PCSK5: variants seen among roughly 807,000 people sequenced by gnomAD.
PCSK5 encodes the protein proprotein convertase subtilisin/kexin type 5, also known as prohormone convertase 5.
PCSK5 carries 129 observed loss-of-function variants against 233.2 expected under a neutral mutation model. The ratio of observed to expected loss-of-function variants is 0.55; its 90% confidence interval spans 0.48 to 0.64. PCSK5 has a LOEUF of 0.64. PCSK5 is among the 30% of genes least tolerant of loss of function. PCSK5 has a pLI of 0.00. For missense variants in PCSK5, 2,076 were observed against 2,430.1 expected (o/e 0.85, Z 3.06); for synonymous variants, 825 against 879.2 (o/e 0.94, Z 1.09).
rs538037995 is a variant in PCSK5 at position 75,907,727 on chromosome 9, C to T, written c.192+16354C>T. On this transcript the variant is annotated intron_variant, in intron 1 of 37. Coordinates refer to ENST00000674117, the MANE Select transcript of PCSK5 (RefSeq NM_001372043.1). Reference sequence around the variant, plus strand: ...ATCTCCTTGGGGTGGCAGTGAAAGTCTTTTGTCTATTGGAGCAGTGGGAAG... The same window carrying T: ...ATCTCCTTGGGGTGGCAGTGAAAGTTTTTTGTCTATTGGAGCAGTGGGAAG... Among the ~76,000 whole-genome samples the T allele has an allele frequency of 2.6e-5, 4 of 152,234 alleles. No individual in the cohort carries two copies. In the East Asian group the frequency reaches 7.7e-4, roughly 29 times the overall value.
At chr9:76,292,520 C>G (rs1171138460) in intron 25 of PCSK5, among the ~76,000 whole-genome samples, 1 of 152,172 alleles carries the variant, frequency 6.6e-6, no homozygotes, top group Admixed American at 6.5e-5. Flanking sequence ...TCTAGGAATC[C>G]TGCCATGGGT....
At chr9:75,966,241 T>C (rs1449077396) in intron 2 of PCSK5, among the ~76,000 whole-genome samples, 1 of 152,048 alleles carries the variant, frequency 6.6e-6, no homozygotes, top group Non-Finnish European at 1.5e-5. Context: ...AAAGGAACAA[T>C]CTCTTCAGAA....
At chr9:76,055,477 G>A (rs1258095) in intron 5 of PCSK5, among the ~76,000 whole-genome samples, 30,480 of 151,254 alleles carry the variant, frequency 0.2, 3,967 homozygotes, top group Middle Eastern at 0.37. Context: ...ATGCATTTTC[G>A]GCTATTTTCC....
intron 2 of PCSK5, among the ~76,000 whole-genome samples, chr9:75,978,128 T>TC (rs1826110123): frequency 6.6e-6 from 1 of 152,212 alleles, no homozygotes; most frequent in Admixed American, 6.5e-5. Flanking sequence ...CTCCTTTTTT[T>TC]CCACTCCCTT....
chr9:76,220,818 T>C (rs1825706952), intron 20 of PCSK5, among the ~76,000 whole-genome samples: 1 of 152,180 alleles, frequency 6.6e-6, no homozygotes, highest in South Asian at 2.1e-4. Flanking sequence ...TGATACATTG[T>C]TATCAACTCT....
At chr9:75,972,258 A>G (rs1489602800) in intron 2 of PCSK5, among the ~76,000 whole-genome samples, 3 of 152,202 alleles carry the variant, frequency 2.0e-5, no homozygotes, top group East Asian at 3.8e-4. Flanking sequence ...TTGTACCACT[A>G]TCATGCTGTT....
chr9:76,179,450 A>G, intron 14 of PCSK5, 146 bp from the exon 15 acceptor site: 1 of 567,636 alleles, frequency 1.8e-6, no homozygotes, highest in African/African-American at 1.9e-5. Flanking sequence ...CTCTGGACCT[A>G]AAGCCACATT....
chr9:76,341,322 A>C (rs1829829069), intron 35 of PCSK5, among the ~76,000 whole-genome samples: 1 of 152,218 alleles, frequency 6.6e-6, no homozygotes, highest in Non-Finnish European at 1.5e-5. Context: ...ATTTATGGAT[A>C]CTATGTCTTC....
At chr9:76,291,779 C>T (rs1030244668) in intron 24 of PCSK5, among the ~76,000 whole-genome samples, 9 of 152,244 alleles carry the variant, frequency 5.9e-5, no homozygotes, top group East Asian at 1.9e-4. Context: ...GTGCAGATTT[C>T]GAAGGAGTGC....
chr9:76,303,981 G>A (rs534034931), intron 28 of PCSK5, among the ~76,000 whole-genome samples: 35 of 152,254 alleles, frequency 2.3e-4, no homozygotes, highest in African/African-American at 8.4e-4. Context: ...AGACCAGCCC[G>A]GGCAAAATGG....
chr9:76,336,083 C>A (rs1829670577), intron 34 of PCSK5, among the ~76,000 whole-genome samples: 1 of 152,178 alleles, frequency 6.6e-6, no homozygotes, highest in Non-Finnish European at 1.5e-5. Context: ...CCATTCAGCT[C>A]ATCATCGCCT....
At chr9:75,936,693 C>T (rs886132290) in intron 2 of PCSK5, among the ~76,000 whole-genome samples, 1 of 152,188 alleles carries the variant, frequency 6.6e-6, no homozygotes, top group Non-Finnish European at 1.5e-5. Context: ...TTGCATTCCT[C>T]AAAGTCATCC....
At chr9:76,106,660 T>C (rs1456102633) in intron 8 of PCSK5, among the ~76,000 whole-genome samples, 1 of 152,236 alleles carries the variant, frequency 6.6e-6, no homozygotes, top group African/African-American at 2.4e-5. Flanking sequence ...ATCCATGTTA[T>C]ATCTTTGAGG....
chr9:76,118,509 G>T (rs193134847), intron 9 of PCSK5, among the ~76,000 whole-genome samples: 1 of 152,072 alleles, frequency 6.6e-6, no homozygotes, highest in East Asian at 1.9e-4. Context: ...TCACAGTGGT[G>T]CTTGCAAGCA....
rs77662982 is a variant in PCSK5 at position 75,998,277 on chromosome 9, T to A, written c.411+12032T>A. Among the ~76,000 whole-genome samples the A allele has an allele frequency of 8.1e-3, 1,233 of 152,312 alleles. 19 individuals carry two copies. The highest frequency in any genetic ancestry group is 0.027 in the African/African-American group (1,133 of 41,558). On this transcript the variant is annotated intron_variant, in intron 3 of 37. Transcript: ENST00000674117. ...CTGCTGAAATGTTTTAAGTGCTAAT[T>A]CTGACTTTTCTTTCATTACTGTGCT... is the stretch of plus-strand genomic sequence containing the variant.
At chr9:76,175,890 C>T (rs899930148) in intron 14 of PCSK5, among the ~76,000 whole-genome samples, 6 of 152,208 alleles carry the variant, frequency 3.9e-5, no homozygotes, top group East Asian at 1.9e-4. Context: ...TTTTTCTATT[C>T]GAAGTACAGT....
At chr9:76,049,360 T>C (rs10119935) in intron 5 of PCSK5, among the ~76,000 whole-genome samples, 15,167 of 152,206 alleles carry the variant, frequency 0.1, 2,387 homozygotes, top group African/African-American at 0.34. Flanking sequence ...CATTCTTTAA[T>C]TTTTGGTTTA....
chr9:76,083,600 G>A (rs779007335), intron 7 of PCSK5, among the ~76,000 whole-genome samples: 5 of 152,204 alleles, frequency 3.3e-5, no homozygotes, highest in Non-Finnish European at 7.3e-5. Context: ...ACATTTGATA[G>A]ACATCCATTG....
At chr9:76,232,878 G>A (rs185411807) in intron 21 of PCSK5, among the ~76,000 whole-genome samples, 1 of 152,294 alleles carries the variant, frequency 6.6e-6, no homozygotes, top group Admixed American at 6.5e-5. Context: ...AAAGGAGACT[G>A]CAGTACTCCA....
Sources: gnomAD v4.1 joint callset for allele counts (sites outside exome capture counted in the v4.1 genomes callset) on GRCh38, gnomAD v4.1.1 for gene constraint, MANE v1.5 for transcripts, NCBI Gene and HGNC (gene_info 2026-07-23, HGNC 2026-07-21) for gene names.